CLEC5A: variants seen among roughly 807,000 people sequenced by gnomAD.
The protein encoded by CLEC5A is C-type lectin domain containing 5A.
CLEC5A carries 15 observed loss-of-function variants against 24.4 expected under a neutral mutation model. The ratio of observed to expected loss-of-function variants is 0.62; its 90% CI spans 0.41 to 0.95. The LOEUF is 0.95. Ranked by LOEUF, CLEC5A falls within the 40% of genes least tolerant of loss-of-function variation. The probability of loss-of-function intolerance (pLI) is 0.00; values close to 1 mark genes in which losing one functional copy is unlikely to be tolerated. For missense variants in CLEC5A, 211 were observed against 224.0 expected (o/e 0.94, Z 0.37); for synonymous variants, 71 against 72.6 (o/e 0.98, Z 0.11).
rs112316314 is a variant in CLEC5A, at chr7:141,943,177, T to A, written c.208+719A>T. On this transcript the variant is annotated intron_variant, in intron 4 of 6. Transcript: ENST00000546910. ...AGCCAAGATTTGGAAACAACCTAAGTGTCCATCAACAGATGAATGGATAAA... is the reference window on the plus strand; with the variant it reads ...AGCCAAGATTTGGAAACAACCTAAGAGTCCATCAACAGATGAATGGATAAA... 4.3e-3 allele frequency among the ~76,000 whole-genome samples: 659 copies of A among 152,266 alleles called. 5 individuals carry two copies. The highest frequency in any genetic ancestry group is 0.015 in the African/African-American group (633 of 41,544).
Position 141,929,174 on chromosome 7 carries a change from A to G in CLEC5A, c.*930T>C, listed in dbSNP as rs1802380855. 1 of 152,266 alleles carries G rather than the reference A, an allele frequency of 6.6e-6. No individual in the cohort carries two copies. Among genetic ancestry groups the G allele is most frequent in the Non-Finnish European group, 1.5e-5 (1 of 68,106 alleles). The allele number at this position is 152,266 out of a possible 1,614,324, so 9.4% of individuals were successfully genotyped here. A position where few individuals can be genotyped will look rare whatever the true frequency, so the allele number is the denominator to read the frequency against. On this transcript the variant is annotated 3_prime_UTR_variant, in exon 7 of 7. Transcript: ENST00000546910. ...CCAGTTCTAGATCAATGTGATGCCA[A>G]TCAGTGCCAGGCTCCTTGGGGTCAG...
rs139154114 is a variant in CLEC5A, at chr7:141,931,930, A to G, written c.346-104T>C. On this transcript the variant is annotated intron_variant, in intron 5 of 6. Transcript: ENST00000546910. ...GATCCTGGGAATAAGGAAGGCCGGT[A>G]GAGAACTCTGGGACCAGCTATAGCT... The G allele has an allele frequency of 2.6e-3, 1,546 of 597,954 alleles. 12 individuals carry two copies. Among genetic ancestry groups the G allele is most frequent in the East Asian group, 0.016 (550 of 35,050 alleles). 37.0% of individuals were successfully genotyped at this position (597,954 alleles called of 1,614,324 possible).
In CLEC5A at chr7:141,936,249, A is replaced by G. The variant is rs550336922; in HGVS notation, c.209-299T>C. The G allele has an allele frequency of 2.2e-5, 8 of 366,780 alleles. No individual in the cohort carries two copies. In the East Asian group the frequency reaches 5.6e-4, roughly 26 times the overall value. The allele number at this position is 366,780 out of a possible 1,614,324, so 22.7% of individuals were successfully genotyped here. On this transcript the variant is annotated intron_variant, in intron 4 of 6. Transcript: ENST00000546910. ...AAAGCACATATACATACATGAGAAC[A>G]AAAAATCAGATGAACACTCAGTACC...
chr7:141,942,333 C>G (rs1488679276), intron 4 of CLEC5A, among the ~76,000 whole-genome samples: 6 of 152,076 alleles, frequency 3.9e-5, no homozygotes, highest in Non-Finnish European at 7.4e-5. Flanking sequence ...GAGGAAGGGA[C>G]AGTGTCTTCA....
At chr7:141,931,458 G>A in intron 6 of CLEC5A, 1 of 512,182 alleles carries the variant, frequency 2.0e-6, no homozygotes, top group South Asian at 3.2e-5. Context: ...ATGCTATGTA[G>A]GTGGATTTGT....
At chr7:141,946,109 A>G in intron 2 of CLEC5A, 105 bp downstream of exon 2, 12 of 1,280,218 alleles carry the variant, frequency 9.4e-6, no homozygotes, top group Non-Finnish European at 1.3e-5. Flanking sequence ...TCTCAGGTGG[A>G]AAGACTTGGA....
intron 4 of CLEC5A, 23 bp downstream of exon 4, chr7:141,943,873 T>A (rs1554441853): frequency 6.8e-7 from 1 of 1,477,386 alleles, no homozygotes; most frequent in African/African-American, 1.4e-5. Flanking sequence ...GGATGGGGAG[T>A]AGGTTGTAAT....
At chr7:141,944,154 T>C (rs1427987262) in intron 3 of CLEC5A, among the ~76,000 whole-genome samples, 190 bp from the exon 4 acceptor site, 2 of 152,156 alleles carry the variant, frequency 1.3e-5, no homozygotes, top group Non-Finnish European at 2.9e-5. Context: ...ATTTGTCAAC[T>C]TGACACCCAA....
Position 141,928,028 on chromosome 7 carries a change from C to T in CLEC5A, c.*2076G>A, listed in dbSNP as rs1802348534. 1 of 150,688 alleles carries T rather than the reference C, an allele frequency of 6.6e-6. No homozygotes were observed. Among genetic ancestry groups the T allele is most frequent in the Middle Eastern group, 3.2e-3 (1 of 312 alleles). The allele number at this position is 150,688 out of a possible 1,614,324, so 9.3% of individuals were successfully genotyped here. ...CAGCATATTAGAAACAAAGTGAAAA[C>T]TCAAATTCAGTGGCTTGCTAAATTT... On this transcript the variant is annotated 3_prime_UTR_variant, in exon 7 of 7. Coordinates refer to ENST00000546910, the MANE Select transcript of CLEC5A (RefSeq NM_013252.3).
Position 141,927,902 on chromosome 7 carries a change from T to G in CLEC5A, c.*2202A>C, listed in dbSNP as rs1157106271. ...CATTGAGATACATAGAGGAATGTTA[T>G]TTAATATGTGCAATAATTTTTTGAG... On this transcript the variant is annotated 3_prime_UTR_variant, in exon 7 of 7. Coordinates refer to ENST00000546910, the MANE Select transcript of CLEC5A (RefSeq NM_013252.3). The G allele has an allele frequency of 6.6e-6, 1 of 152,222 alleles. No individual in the cohort carries two copies. Among genetic ancestry groups the G allele is most frequent in the Admixed American group, 6.5e-5 (1 of 15,282 alleles). 9.4% of individuals were successfully genotyped at this position (152,222 alleles called of 1,614,324 possible). A position where few individuals can be genotyped will look rare whatever the true frequency, so the allele number is the denominator to read the frequency against.
intron 4 of CLEC5A, among the ~76,000 whole-genome samples, chr7:141,937,387 C>T (rs1802662505): frequency 6.6e-6 from 1 of 152,072 alleles, no homozygotes; most frequent in African/African-American, 2.4e-5. Flanking sequence ...GGTAGTCTGG[C>T]AGTGACCCTG....
chr7:141,930,247 C>CA (rs1802416859), intron 6 of CLEC5A, 29 bp from the exon 7 acceptor site: 1 of 1,548,094 alleles, frequency 6.5e-7, no homozygotes, highest in Non-Finnish European at 8.9e-7. Context: ...CAAAACAAAA[C>CA]AAACAAACAA....
At chr7:141,935,975 T>A in intron 4 of CLEC5A, 25 bp from the exon 5 acceptor site, 1 of 1,604,326 alleles carries the variant, frequency 6.2e-7, no homozygotes, top group Admixed American at 1.7e-5. Context: ...GAAAGGAGAG[T>A]ACGAGTTTAC....
At chr7:141,937,571 C>T (rs1314874392) in intron 4 of CLEC5A, among the ~76,000 whole-genome samples, 1 of 152,198 alleles carries the variant, frequency 6.6e-6, no homozygotes, top group East Asian at 1.9e-4. Context: ...AAGATAGCAT[C>T]TCCAGACCTA....
intron 6 of CLEC5A, 166 bp downstream of exon 6, chr7:141,931,554 A>G (rs1219889802): frequency 1.9e-6 from 1 of 540,338 alleles, no homozygotes; most frequent in South Asian, 2.6e-5. Flanking sequence ...ATAAGAAAAC[A>G]TTTATTAAAA....
chr7:141,935,911 A>C lies in CLEC5A; in HGVS notation c.248T>G (p.Phe83Cys), dbSNP rs1802609392. The change falls in exon 5 of 7, where the codon TTT becomes TGT. Residue 83 changes from phenylalanine to cysteine, a missense_variant. Physicochemically the swap from Phe to Cys is radical, Grantham distance 205 (BLOSUM62 -2). Transcript: ENST00000546910. ...AGATGATTCAGAAGTGGATAAGAAAAAACATCTTGCTTGATAAAATTCCCA... is the reference window on the plus strand; with the variant it reads ...AGATGATTCAGAAGTGGATAAGAAACAACATCTTGCTTGATAAAATTCCCA... Reference protein sequence around the residue: ...KDWEFYQARCFFLSTSESSWN... With the variant: ...KDWEFYQARCCFLSTSESSWN... The C allele has an allele frequency of 6.2e-7, 1 of 1,613,412 alleles. No individual in the cohort carries two copies.
intron 6 of CLEC5A, chr7:141,931,420 A>C: frequency 2.2e-6 from 1 of 447,490 alleles, no homozygotes; most frequent in Non-Finnish European, 3.9e-6. Context: ...ACTAGCATCT[A>C]TAGAGAGCTA....
chr7:141,942,391 G>C (rs1802819070), intron 4 of CLEC5A, among the ~76,000 whole-genome samples: 1 of 152,018 alleles, frequency 6.6e-6, no homozygotes, highest in African/African-American at 2.4e-5. Context: ...AGAATGAAAG[G>C]AGACCCTTAT....
Position 141,930,139 on chromosome 7 carries a change from T to G in CLEC5A, c.532A>C (p.Ser178Arg), listed in dbSNP as rs781904880. 1 of 1,614,176 alleles carries G rather than the reference T, an allele frequency of 6.2e-7. No homozygotes were observed. Among genetic ancestry groups the G allele is most frequent in the Admixed American group, 1.7e-5 (1 of 60,028 alleles). The change falls in exon 7 of 7, where the codon AGC (serine) becomes CGC (arginine). Residue 178 changes from serine to arginine, a missense_variant. Coordinates refer to ENST00000546910, the MANE Select transcript of CLEC5A (RefSeq NM_013252.3). ...KTFDAASCDISYRRICEKNAK is the reference protein window; with the variant it reads ...KTFDAASCDIRYRRICEKNAK ...TTCTTCTCACAGATCCTGCGGTAGC[T>G]GATGTCACATGATGCAGCATCAAAT...
Sources: allele counts gnomAD v4.1 joint callset (sites outside exome capture counted in the v4.1 genomes callset), GRCh38; gene constraint gnomAD v4.1.1; transcripts MANE v1.5; gene names NCBI Gene and HGNC (gene_info 2026-07-23, HGNC 2026-07-21).